The following KIAA1549L variants were observed in gnomAD, a reference collection of about 807,000 sequenced individuals.
KIAA1549L encodes UPF0606 protein KIAA1549L.
KIAA1549L carries 88 observed loss-of-function variants against 160.7 expected under a neutral mutation model. The observed-to-expected ratio is 0.55, with a 90% confidence interval of 0.46 to 0.65. KIAA1549L has a LOEUF of 0.65. Ranked by LOEUF, KIAA1549L falls within the 30% of genes least tolerant of loss-of-function variation. The pLI, the probability that KIAA1549L is intolerant of heterozygous loss-of-function variation, is 0.00. For missense variants in KIAA1549L, 2,258 were observed against 2,437.5 expected (o/e 0.93, Z 1.55); for synonymous variants, 950 against 976.7 (o/e 0.97, Z 0.51).
chr11:33,647,324 C>T (rs1320043815), intron 17 of KIAA1549L, among the ~76,000 whole-genome samples: 1 of 138,954 alleles, frequency 7.2e-6, no homozygotes, highest in Non-Finnish European at 1.5e-5. Flanking sequence ...TGCAGTGAGC[C>T]AAGACTGTGA....
chr11:33,536,716 C>T (rs930538340), intron 1 of KIAA1549L, among the ~76,000 whole-genome samples: 3 of 152,186 alleles, frequency 2.0e-5, no homozygotes, highest in Admixed American at 1.3e-4. Flanking sequence ...TAAACACAAA[C>T]TATTTAAATC....
intron 12 of KIAA1549L, among the ~76,000 whole-genome samples, chr11:33,598,403 C>T (rs1197718017): frequency 6.6e-6 from 1 of 152,114 alleles, no homozygotes; most frequent in African/African-American, 2.4e-5. Context: ...AGACAATAGC[C>T]AAAGAGAACC....
chr11:33,656,007 C>T lies in KIAA1549L; in HGVS notation c.5761-5C>T, dbSNP rs749554015. On this transcript the variant is annotated splice_region_variant and splice_polypyrimidine_tract_variant and intron_variant, in intron 17 of 20. Coordinates refer to ENST00000658780, the MANE Select transcript of KIAA1549L (RefSeq NM_012194.3). Reference sequence around the variant, plus strand: ...CTCTCCCTGTATTGCTTGTCTCTTTCACAGGCTTACAGGTTTTCCCAGCTT... The same window carrying T: ...CTCTCCCTGTATTGCTTGTCTCTTTTACAGGCTTACAGGTTTTCCCAGCTT... 7.5e-6 allele frequency: 12 copies of T among 1,609,652 alleles called. No individual in the cohort carries two copies. The highest frequency in any genetic ancestry group is 5.0e-5 in the Admixed American group (3 of 59,944).
At chr11:33,421,309 T>C (rs1590232905) in intron 1 of KIAA1549L, among the ~76,000 whole-genome samples, 1 of 151,370 alleles carries the variant, frequency 6.6e-6, no homozygotes, top group Non-Finnish European at 1.5e-5. Flanking sequence ...GGGGTGGGGG[T>C]GAGCAGATCG....
intron 1 of KIAA1549L, among the ~76,000 whole-genome samples, chr11:33,463,621 C>A (rs370758297): frequency 6.6e-6 from 1 of 152,182 alleles, no homozygotes; most frequent in African/African-American, 2.4e-5. Flanking sequence ...ATTTTTCTGG[C>A]TGATAGTTGT....
At chr11:33,634,953 T>C (rs1157278832) in intron 16 of KIAA1549L, among the ~76,000 whole-genome samples, 1 of 152,192 alleles carries the variant, frequency 6.6e-6, no homozygotes, top group Non-Finnish European at 1.5e-5. Flanking sequence ...AAAATTTTTT[T>C]TAATTCCATT....
intron 1 of KIAA1549L, among the ~76,000 whole-genome samples, chr11:33,533,951 C>T (rs751747852): frequency 2.6e-5 from 4 of 152,162 alleles, no homozygotes; most frequent in Admixed American, 6.5e-5. Flanking sequence ...GAAATACTGT[C>T]GGTCCAAACA....
intron 14 of KIAA1549L, 136 bp from the exon 15 acceptor site, chr11:33,609,613 G>T: frequency 1.5e-6 from 1 of 658,106 alleles, no homozygotes. Context: ...TGGGATGCAG[G>T]TGGGCCTGGC....
At position 33,563,073 on chromosome 11, in the gene KIAA1549L, A is replaced by C. The variant is rs557841913; in HGVS notation, c.4078+1338A>C. On this transcript the variant is annotated intron_variant, in intron 8 of 20. Coordinates refer to ENST00000658780, the MANE Select transcript of KIAA1549L (RefSeq NM_012194.3). ...GGCTTCAAAATAGGAATCTGGGGGG[A>C]CAGGCCGGGTGTGATGGCTCACCCC... 2.2e-3 allele frequency among the ~76,000 whole-genome samples: 341 copies of C among 151,886 alleles called. 2 individuals are homozygous for C. The highest frequency in any genetic ancestry group is 7.8e-3 in the African/African-American group (323 of 41,426).
chr11:33,570,535 A>G (rs562657281), intron 9 of KIAA1549L, among the ~76,000 whole-genome samples: 12 of 152,158 alleles, frequency 7.9e-5, no homozygotes, highest in Admixed American at 6.5e-4. Flanking sequence ...TTCTACTAAC[A>G]CTTTCCCCAC....
Position 33,545,336 on chromosome 11 carries a change from A to C in KIAA1549L, c.3343A>C (p.Asn1115His). 6.2e-7 allele frequency: 1 copy of C among 1,612,650 alleles called. No homozygotes were observed. The highest frequency in any genetic ancestry group is 8.5e-7 in the Non-Finnish European group (1 of 1,179,608). ...AVVTTGKMAS[N>H]LECQMSSKLL... ...GGTCACGACTGGCAAAATGGCATCC[A>C]ACCTGGAGTGTCAGATGTCCAGTAA... is the stretch of plus-strand genomic sequence containing the variant. Residue 1115 changes from asparagine to histidine, a missense_variant, in exon 3 of 21, where the codon AAC becomes CAC. Physicochemically the swap from Asn to His is moderately conservative, Grantham distance 68. This residue lies in a region of KIAA1549L where 1,359 missense variants were observed against 1,546.6 expected (regional missense o/e 0.88). Transcript: ENST00000658780.
rs113930051 is a variant in KIAA1549L at position 33,481,437 on chromosome 11, A to G, written c.239-60365A>G. Among the ~76,000 whole-genome samples, 5 of 152,370 alleles carry G rather than the reference A, an allele frequency of 3.3e-5. 1 individual carries two copies. Among genetic ancestry groups the G allele is most frequent in the African/African-American group, 4.8e-5 (2 of 41,596 alleles). On this transcript the variant is annotated intron_variant, in intron 1 of 20. Transcript: ENST00000658780. The stretch of plus-strand genomic sequence containing the variant: ...AATACAAATTAGATAGTTTTAATGC[A>G]TAAATTGTTGCCTGGTTTAAAAGTT...
intron 4 of KIAA1549L, among the ~76,000 whole-genome samples, chr11:33,550,561 C>T (rs1184925245): frequency 1.3e-5 from 2 of 152,210 alleles, no homozygotes; most frequent in Non-Finnish European, 2.9e-5. Context: ...AACAAGTCTT[C>T]TCTCTGCTTC....
rs752322857 is a variant in KIAA1549L at position 33,545,193 on chromosome 11, G to A, written c.3200G>A (p.Arg1067His). 15 of 1,613,824 alleles carry A rather than the reference G, an allele frequency of 9.3e-6. No individual in the cohort carries two copies. The highest frequency in any genetic ancestry group is 8.8e-5 in the South Asian group (8 of 91,082). The change falls in exon 3 of 21, where the codon CGC (arginine) becomes CAC (histidine). Residue 1067 changes from arginine to histidine, a missense_variant. By Grantham distance (29) the Arg-to-His change is conservative. Around this residue, in one of 6 missense-constraint regions of KIAA1549L, gnomAD observed 1,359 missense variants for 1,546.6 expected, o/e 0.88. Coordinates refer to ENST00000658780, the MANE Select transcript of KIAA1549L (RefSeq NM_012194.3). ...NLEMPRASTP[R>H]PLTVTAALTS... ...GAGATGCCCAGAGCATCCACGCCAC[G>A]CCCACTGACAGTCACGGCCGCGCTG... is the stretch of plus-strand genomic sequence containing the variant.
intron 1 of KIAA1549L, among the ~76,000 whole-genome samples, chr11:33,487,087 G>A (rs1336982240): frequency 1.3e-5 from 2 of 152,124 alleles, no homozygotes; most frequent in South Asian, 2.1e-4. Context: ...ACTCTGCCTC[G>A]ACCTTTAGGA....
intron 12 of KIAA1549L, among the ~76,000 whole-genome samples, chr11:33,597,874 C>G (rs1452910672): frequency 2.6e-5 from 4 of 152,178 alleles, no homozygotes; most frequent in Non-Finnish European, 5.9e-5. Flanking sequence ...CTACTATGTC[C>G]TAGACAACAC....
chr11:33,497,690 T>TA (rs1440103163), intron 1 of KIAA1549L, among the ~76,000 whole-genome samples: 2 of 152,080 alleles, frequency 1.3e-5, no homozygotes, highest in Non-Finnish European at 2.9e-5. Flanking sequence ...AATCAAAATA[T>TA]AAAAAAGAAC....
At chr11:33,533,729 G>A (rs1470757422) in intron 1 of KIAA1549L, among the ~76,000 whole-genome samples, 1 of 152,164 alleles carries the variant, frequency 6.6e-6, no homozygotes, top group Non-Finnish European at 1.5e-5. Flanking sequence ...GGTTTTGTAT[G>A]ACTACCCATT....
At chr11:33,398,856 C>T (rs982729496) in intron 1 of KIAA1549L, among the ~76,000 whole-genome samples, 4 of 151,824 alleles carry the variant, frequency 2.6e-5, no homozygotes, top group East Asian at 1.9e-4. Flanking sequence ...TTTTGTGTTT[C>T]GTATATAGTC....
Sources: gnomAD v4.1 joint callset for allele counts (sites outside exome capture counted in the v4.1 genomes callset) on GRCh38, gnomAD v4.1.1 for gene constraint, gnomAD v4.1.1 regional missense constraint, MANE v1.5 for transcripts, NCBI Gene and HGNC (gene_info 2026-07-23, HGNC 2026-07-21) for gene names.